The following WWOX variants were observed in gnomAD, a reference collection of about 807,000 sequenced individuals.
WWOX encodes WW domain containing oxidoreductase.
In WWOX, 69 loss-of-function variants were observed where a neutral mutation model predicts 46.2. That is an observed-to-expected ratio of 1.49 (90% CI 1.23 to 1.82). The LOEUF is 1.82. Among genes scored for constraint, WWOX ranks in the 40% most tolerant of loss-of-function variants. The pLI, the probability that WWOX is intolerant of heterozygous loss-of-function variation, is 0.00. For missense variants in WWOX, 919 were observed against 542.6 expected, an observed-to-expected ratio of 1.69 and a Z score of -6.89; for synonymous variants, 359 against 202.6, an observed-to-expected ratio of 1.77 and a Z score of -6.56.
intron 8 of WWOX, among the ~76,000 whole-genome samples, chr16:78,793,711 A>T (rs1245664194): frequency 6.6e-6 from 1 of 152,142 alleles, no homozygotes; most frequent in African/African-American, 2.4e-5. Flanking sequence ...AAATGTTGCA[A>T]ATGCAACTCA....
chr16:78,197,136 A>G (rs749214889), intron 5 of WWOX, among the ~76,000 whole-genome samples: 23 of 152,150 alleles, frequency 1.5e-4, no homozygotes, highest in Non-Finnish European at 3.2e-4. Flanking sequence ...CCTCTGCGCC[A>G]TCTGTGATAT....
intron 8 of WWOX, among the ~76,000 whole-genome samples, chr16:79,094,664 C>A (rs965239618): frequency 6.6e-6 from 1 of 151,758 alleles, no homozygotes; most frequent in Non-Finnish European, 1.5e-5. Flanking sequence ...TTAGCATTTT[C>A]TAGAAGTTTT....
chr16:79,047,844 G>A (rs2656664), intron 8 of WWOX, among the ~76,000 whole-genome samples: 7,965 of 151,956 alleles, frequency 0.052, 658 homozygotes, highest in African/African-American at 0.18. Context: ...AGTCCTGCAT[G>A]AATGAAGGAA....
chr16:78,268,495 T>C (rs1028237332), intron 5 of WWOX, among the ~76,000 whole-genome samples: 17 of 152,184 alleles, frequency 1.1e-4, no homozygotes, highest in Admixed American at 5.2e-4. Flanking sequence ...CTTACAATTA[T>C]TTTATTTTTG....
At chr16:78,844,983 C>T (rs1231407258) in intron 8 of WWOX, among the ~76,000 whole-genome samples, 1 of 152,150 alleles carries the variant, frequency 6.6e-6, no homozygotes, top group East Asian at 1.9e-4. Context: ...ACTTCCTTGG[C>T]CAGCCTGAAA....
chr16:78,783,508 C>G (rs1184666713), intron 8 of WWOX, among the ~76,000 whole-genome samples: 1 of 152,290 alleles, frequency 6.6e-6, no homozygotes, highest in East Asian at 1.9e-4. Context: ...AAGCAAGGGC[C>G]TCTGAATGAG....
At chr16:78,981,481 A>T (rs566396293) in intron 8 of WWOX, among the ~76,000 whole-genome samples, 1 of 151,122 alleles carries the variant, frequency 6.6e-6, no homozygotes, top group South Asian at 2.1e-4. Flanking sequence ...TCTGTCATCC[A>T]GGCTGGCATG....
chr16:78,771,868 A>T (rs759566896), intron 8 of WWOX, among the ~76,000 whole-genome samples: 158 of 150,104 alleles, frequency 1.1e-3, no homozygotes, highest in Non-Finnish European at 1.9e-3. Context: ...GCTCTCTCAC[A>T]AAAAAAAAGT....
chr16:78,664,317 C>G (rs2047281867), intron 8 of WWOX, among the ~76,000 whole-genome samples: 1 of 152,198 alleles, frequency 6.6e-6, no homozygotes, highest in African/African-American at 2.4e-5. Flanking sequence ...CCAGTGTGGG[C>G]TGGCCACCCA....
chr16:78,806,425 G>A (rs2051039528), intron 8 of WWOX, among the ~76,000 whole-genome samples: 1 of 152,070 alleles, frequency 6.6e-6, no homozygotes, highest in Admixed American at 6.6e-5. Flanking sequence ...GTTTCAGCAG[G>A]GCTCTGAGGA....
At chr16:78,405,253 G>T (rs2082500614) in intron 6 of WWOX, among the ~76,000 whole-genome samples, 2 of 152,120 alleles carry the variant, frequency 1.3e-5, no homozygotes, top group Admixed American at 1.3e-4. Flanking sequence ...GTCTCCAGGG[G>T]ACACAGCCGG....
chr16:78,700,628 C>T (rs1417489244), intron 8 of WWOX, among the ~76,000 whole-genome samples: 1 of 152,168 alleles, frequency 6.6e-6, no homozygotes, highest in African/African-American at 2.4e-5. Context: ...TGTCATAGGA[C>T]CATTCCTCAC....
At chr16:78,645,669 G>C (rs905868195) in intron 8 of WWOX, among the ~76,000 whole-genome samples, 3 of 152,096 alleles carry the variant, frequency 2.0e-5, no homozygotes, top group Non-Finnish European at 4.4e-5. Flanking sequence ...GGAACAAATA[G>C]AGGGAGAACA....
chr16:78,485,576 G>C (rs1165860777), intron 8 of WWOX, among the ~76,000 whole-genome samples: 13 of 152,144 alleles, frequency 8.5e-5, no homozygotes, highest in Non-Finnish European at 1.5e-5. Context: ...GTGTTCTTTG[G>C]GTAATGGGGA....
chr16:78,579,679 C>T (rs901658815), intron 8 of WWOX, among the ~76,000 whole-genome samples: 7 of 152,250 alleles, frequency 4.6e-5, no homozygotes, highest in African/African-American at 7.2e-5. Flanking sequence ...ATCACATTAC[C>T]GACGGAGAAG....
intron 8 of WWOX, among the ~76,000 whole-genome samples, chr16:78,734,132 A>G (rs539495362): frequency 6.6e-6 from 1 of 152,290 alleles, no homozygotes; most frequent in East Asian, 1.9e-4. Context: ...GTAAAATGAA[A>G]ACTAAAGCAA....
At chr16:78,109,019 A>G (rs2032327985) in intron 2 of WWOX, among the ~76,000 whole-genome samples, 1 of 152,174 alleles carries the variant, frequency 6.6e-6, no homozygotes. Context: ...AACAAAAACC[A>G]GAAAATAATT....
intron 8 of WWOX, among the ~76,000 whole-genome samples, chr16:79,050,713 G>T (rs1034360968): frequency 6.6e-5 from 10 of 152,194 alleles, no homozygotes; most frequent in Non-Finnish European, 1.3e-4. Context: ...CTGGCGAAAT[G>T]AATGGGGCTA....
At chr16:78,761,844 G>T (rs1319017154) in intron 8 of WWOX, among the ~76,000 whole-genome samples, 4 of 152,118 alleles carry the variant, frequency 2.6e-5, no homozygotes, top group Non-Finnish European at 5.9e-5. Flanking sequence ...ACCCGACATA[G>T]ACTAACTTAA....
Sources: allele counts gnomAD v4.1 joint callset (sites outside exome capture counted in the v4.1 genomes callset), GRCh38; gene constraint gnomAD v4.1.1; transcripts MANE v1.5; gene names NCBI Gene and HGNC (gene_info 2026-07-23, HGNC 2026-07-21).